The following IL1RAPL2 variants were observed in gnomAD, a reference collection of about 807,000 sequenced individuals.
IL1RAPL2 encodes interleukin 1 receptor accessory protein like 2.
Under a neutral mutation model 44.1 loss-of-function variants are expected in IL1RAPL2, and 3 were observed. That is an observed-to-expected ratio of 0.07 (90% CI 0.03 to 0.18). The LOEUF is 0.18. IL1RAPL2 is among the 10% of genes least tolerant of loss of function. IL1RAPL2 has a pLI of 1.00. For synonymous variants in IL1RAPL2, 181 were observed against 178.8 expected (o/e 1.01, Z -0.10); for missense variants, 391 against 496.4 (o/e 0.79, Z 2.02).
chrX:105,195,819 A>T (rs190422804), intron 3 of IL1RAPL2, 71 bp downstream of exon 3: 1 of 1,001,797 alleles, frequency 1.0e-6, no homozygotes, highest in Non-Finnish European at 1.4e-6. Context: ...GAGTACATGT[A>T]GGTATGCCTC....
chrX:104,595,143 G>GGAGAGAGATGGTA (rs1169250221), intron 1 of IL1RAPL2, among the ~76,000 whole-genome samples: 1 of 111,749 alleles, frequency 8.9e-6, no homozygotes, highest in Non-Finnish European at 1.9e-5. Flanking sequence ...CAGTGGTCCA[G>GGAGAGAGATGGTA]GAGAGAGATG....
intron 2 of IL1RAPL2, among the ~76,000 whole-genome samples, chrX:105,168,151 C>T (rs1275789383): frequency 8.9e-6 from 1 of 111,993 alleles, no homozygotes. Context: ...TCCATCAGCC[C>T]TTGGGATAGC....
chrX:104,677,985 C>T (rs1000359076), intron 2 of IL1RAPL2, among the ~76,000 whole-genome samples: 1 of 112,299 alleles, frequency 8.9e-6, no homozygotes, highest in Non-Finnish European at 1.9e-5. Context: ...CACTGACCTG[C>T]GCCCACTGTC....
At chrX:104,602,369 C>T (rs1602638347) in intron 1 of IL1RAPL2, among the ~76,000 whole-genome samples, 1 of 111,646 alleles carries the variant, frequency 9.0e-6, no homozygotes, top group African/African-American at 3.3e-5. Context: ...CCCACCAGGG[C>T]CCTGGGTTTC....
intron 5 of IL1RAPL2, among the ~76,000 whole-genome samples, chrX:105,330,926 C>T (rs774745542): frequency 4.2e-4 from 47 of 111,538 alleles, no homozygotes; most frequent in African/African-American, 1.4e-3. Flanking sequence ...AATCTGATCA[C>T]GCCTAAAATC....
At chrX:105,310,704 A>T (rs2034790602) in intron 5 of IL1RAPL2, among the ~76,000 whole-genome samples, 1 of 111,427 alleles carries the variant, frequency 9.0e-6, no homozygotes, top group Non-Finnish European at 1.9e-5. Context: ...ACGATTTATT[A>T]TTTGGTATAT....
intron 1 of IL1RAPL2, among the ~76,000 whole-genome samples, chrX:104,568,103 G>GGGAGCCTATTTAGGA (rs1928074484): frequency 9.0e-6 from 1 of 111,134 alleles, no homozygotes; most frequent in Non-Finnish European, 1.9e-5. Flanking sequence ...TTTTTTTAGG[G>GGGAGCCTATTTAGGA]GGAGTCTATT....
intron 5 of IL1RAPL2, among the ~76,000 whole-genome samples, chrX:105,383,075 A>T (rs1461776193): frequency 1.8e-5 from 2 of 109,914 alleles, no homozygotes; most frequent in Non-Finnish European, 3.8e-5. Context: ...CATATGTAAC[A>T]AACCTGCACG....
At chrX:105,329,578 A>T (rs2034969615) in intron 5 of IL1RAPL2, among the ~76,000 whole-genome samples, 1 of 112,057 alleles carries the variant, frequency 8.9e-6, no homozygotes, top group South Asian at 3.7e-4. Context: ...GGCTATGAAC[A>T]GGTGGGATAA....
intron 5 of IL1RAPL2, among the ~76,000 whole-genome samples, chrX:105,380,014 C>T (rs2035417844): frequency 9.0e-6 from 1 of 111,536 alleles, no homozygotes; most frequent in Admixed American, 9.6e-5. Context: ...GAGTTATTTT[C>T]AATATTTGAA....
intron 2 of IL1RAPL2, among the ~76,000 whole-genome samples, chrX:105,027,812 C>G (rs968943941): frequency 1.8e-5 from 2 of 111,515 alleles, no homozygotes; most frequent in Non-Finnish European, 3.8e-5. Context: ...TATGATCCAG[C>G]AATCTCACTG....
At chrX:105,263,349 T>TCAG (rs2034375488) in intron 4 of IL1RAPL2, among the ~76,000 whole-genome samples, 1 of 111,573 alleles carries the variant, frequency 9.0e-6, no homozygotes, top group Non-Finnish European at 1.9e-5. Flanking sequence ...GCTTTGTGCT[T>TCAG]AAACCTCAGA....
At chrX:105,293,892 C>T (rs1455655697) in intron 5 of IL1RAPL2, among the ~76,000 whole-genome samples, 1 of 112,106 alleles carries the variant, frequency 8.9e-6, no homozygotes, top group African/African-American at 3.2e-5. Context: ...GTTAGCTTAG[C>T]ATGTTTACAA....
chrX:104,582,642 C>CTCTTTCTT (rs1556437238), intron 1 of IL1RAPL2, among the ~76,000 whole-genome samples: 2 of 26,036 alleles, frequency 7.7e-5, no homozygotes, highest in African/African-American at 2.2e-4. Flanking sequence ...CTTTCTTTCT[C>CTCTTTCTT]TCTTTCTTTC....
chrX:105,120,572 A>T (rs1434847979), intron 2 of IL1RAPL2, among the ~76,000 whole-genome samples: 1 of 111,290 alleles, frequency 9.0e-6, no homozygotes, highest in Non-Finnish European at 1.9e-5. Context: ...AATCCAGTTA[A>T]ATTACAGCTG....
At chrX:104,913,530 G>C (rs1347925714) in intron 2 of IL1RAPL2, among the ~76,000 whole-genome samples, 1 of 111,726 alleles carries the variant, frequency 9.0e-6, no homozygotes, top group Non-Finnish European at 1.9e-5. Flanking sequence ...ACTAGAGGGA[G>C]GCTGATTAAG....
At chrX:105,026,110 C>T (rs2031368164) in intron 2 of IL1RAPL2, among the ~76,000 whole-genome samples, 1 of 110,622 alleles carries the variant, frequency 9.0e-6, no homozygotes, top group East Asian at 2.9e-4. Context: ...GGAATACAAC[C>T]ATGAGAAGAA....
chrX:104,631,155 A>G (rs1412999360), intron 1 of IL1RAPL2, among the ~76,000 whole-genome samples: 1 of 111,600 alleles, frequency 9.0e-6, no homozygotes, highest in Non-Finnish European at 1.9e-5. Context: ...ATGTCCCTAG[A>G]AAGAACATGA....
chrX:105,644,048 C>T (rs1245073234), intron 6 of IL1RAPL2, among the ~76,000 whole-genome samples: 6 of 110,674 alleles, frequency 5.4e-5, no homozygotes, highest in South Asian at 7.7e-4. Flanking sequence ...CGTGCCATCA[C>T]GCCTGGCTAA....
Sources: gnomAD v4.1 joint callset for allele counts (sites outside exome capture counted in the v4.1 genomes callset) on GRCh38, gnomAD v4.1.1 for gene constraint, MANE v1.5 for transcripts, NCBI Gene and HGNC (gene_info 2026-07-23, HGNC 2026-07-21) for gene names.